TRIM5: variants seen among roughly 807,000 people sequenced by gnomAD.
TRIM5 encodes the protein tripartite motif-containing protein 5.
In TRIM5, 31 loss-of-function variants were observed where a neutral mutation model predicts 35.6. The ratio of observed to expected loss-of-function variants is 0.87; its 90% CI spans 0.65 to 1.18. The LOEUF (loss-of-function observed/expected upper bound fraction) is 1.18. Among genes scored for constraint, TRIM5 ranks in the 50% most tolerant of loss-of-function variants. The pLI is 0.00. For missense variants in TRIM5, 609 were observed against 591.6 expected (o/e 1.03, Z -0.31); for synonymous variants, 243 against 215.6 (o/e 1.13, Z -1.11).
At chr11:5,681,299 C>G (rs4992802) in intron 1 of TRIM5, among the ~76,000 whole-genome samples, 84,181 of 152,026 alleles carry the variant, frequency 0.55, 23,438 homozygotes, top group African/African-American at 0.6. Flanking sequence ...GGGAAAGAAG[C>G]GAATTTTTAT....
chr11:5,658,105 A>G, the TRIM5 span, among the ~76,000 whole-genome samples: 1 of 152,070 alleles, frequency 6.6e-6, no homozygotes, highest in Non-Finnish European at 1.5e-5. Context: ...CAAATGTTGC[A>G]TTTTCCAAGA....
chr11:5,667,320 C>T (rs1213083235), intron 5 of TRIM5, among the ~76,000 whole-genome samples: 2 of 151,522 alleles, frequency 1.3e-5, no homozygotes, highest in Non-Finnish European at 3.0e-5. Context: ...AATTCTCCTG[C>T]CTCAGCCTCC....
chr11:5,665,297 G>A lies in TRIM5; in HGVS notation c.994C>T (p.Arg332Ter), dbSNP rs376400046. 8.7e-6 allele frequency: 14 copies of A among 1,613,930 alleles called. No individual in the cohort carries two copies. The highest frequency in any genetic ancestry group is 6.7e-5 in the African/African-American group (5 of 74,872). The change falls in exon 8 of 8, where the codon CGA (arginine) becomes TGA (stop). Residue 332 changes from arginine (R) to a stop codon, truncating the protein, a stop_gained. Transcript: ENST00000380034. LOFTEE classifies it low-confidence loss of function (END_TRUNC). ...SPKPQIIYGA[R>*]GTRYQTFVNF... The stretch of plus-strand genomic sequence containing the variant: ...ACAAATGTCTGGTATCTTGTCCCTC[G>A]TGCCCCATATATTATCTGTGGTTTC...
intron 5 of TRIM5, among the ~76,000 whole-genome samples, 192 bp downstream of exon 5, chr11:5,667,497 C>T (rs1217306139): frequency 6.6e-6 from 1 of 152,148 alleles, no homozygotes; most frequent in Non-Finnish European, 1.5e-5. Context: ...CCACACCTGG[C>T]CAAATCTGGT....
chr11:5,630,980 C>A, the TRIM5 span, among the ~76,000 whole-genome samples: 92 of 152,316 alleles, frequency 6.0e-4, no homozygotes, highest in East Asian at 0.016. Flanking sequence ...GTGGATTTAA[C>A]ACAGACAGAA....
chr11:5,643,432 A>G, the TRIM5 span: 1 of 1,614,212 alleles, frequency 6.2e-7, no homozygotes, highest in South Asian at 1.1e-5. Context: ...CTATTTGGCT[A>G]CTGGGTTATA....
the TRIM5 span, chr11:5,619,688 A>ATTTTTTTTTTTTTTTTTTTTTTTTTTTT: frequency 3.0e-5 from 2 of 66,010 alleles, no homozygotes; most frequent in Non-Finnish European, 5.4e-5. Context: ...CCTGTTTTAA[A>ATTTTTTTTTTTTTTTTTTTTTTTTTTTT]TTTTTTTTTT....
chr11:5,673,781 AAT>A (rs1851739683), intron 4 of TRIM5, among the ~76,000 whole-genome samples: 1 of 152,192 alleles, frequency 6.6e-6, no homozygotes, highest in Non-Finnish European at 1.5e-5. Context: ...AAAATTCTTC[AAT>A]GCTTTAAAAT....
At chr11:5,603,244 A>G in the TRIM5 span, 16 of 1,612,556 alleles carry the variant, frequency 9.9e-6, no homozygotes, top group Non-Finnish European at 1.4e-5. Flanking sequence ...TCATCTACCT[A>G]GGATTCTACA....
the TRIM5 span, among the ~76,000 whole-genome samples, chr11:5,654,659 A>G: frequency 6.6e-6 from 1 of 152,056 alleles, no homozygotes; most frequent in African/African-American, 2.4e-5. Context: ...ACTTTTGACT[A>G]TTTCTAGTTT....
chr11:5,629,544 A>T, the TRIM5 span, among the ~76,000 whole-genome samples: 2 of 152,090 alleles, frequency 1.3e-5, no homozygotes, highest in East Asian at 3.9e-4. Context: ...TTGTATCATC[A>T]TGCCACTACT....
Position 5,679,778 on chromosome 11 carries a change from C to A in TRIM5, c.400G>T (p.Val134Phe), listed in dbSNP as rs143587466. 2 of 1,596,476 alleles carry A rather than the reference C, an allele frequency of 1.3e-6. No individual in the cohort carries two copies. Among genetic ancestry groups the A allele is most frequent in the Admixed American group, 1.7e-5 (1 of 59,096 alleles). ...TCTCTTACTTGGTACTCCCGGGCAA[C>A]CTCCTCTGTGAGGAACGTGTGGTGA... is the stretch of plus-strand genomic sequence containing the variant. ...RGHHTFLTEE[V>F]AREYQVKLQA... Residue 134 changes from valine to phenylalanine, a missense_variant, in exon 2 of 8, where the codon GTT becomes TTT. Coordinates refer to ENST00000380034, the MANE Select transcript of TRIM5 (RefSeq NM_033034.3).
At chr11:5,590,901 G>C in the TRIM5 span, 1 of 155,586 alleles carries the variant, frequency 6.4e-6, no homozygotes, top group Non-Finnish European at 1.4e-5. Context: ...AAACACATCT[G>C]AACATCAGAA....
the TRIM5 span, chr11:5,632,798 G>T: frequency 6.7e-7 from 1 of 1,483,502 alleles, no homozygotes; most frequent in Middle Eastern, 1.9e-4. Context: ...GATGGTAGTT[G>T]GTGGAAAATC....
At chr11:5,608,357 C>T in the TRIM5 span, 65 of 1,613,170 alleles carry the variant, frequency 4.0e-5, no homozygotes, top group Non-Finnish European at 5.4e-5. Flanking sequence ...CTTAACCTGT[C>T]TTTTTCCTTC....
the TRIM5 span, among the ~76,000 whole-genome samples, chr11:5,633,504 G>A: frequency 6.6e-6 from 1 of 152,160 alleles, no homozygotes; most frequent in Non-Finnish European, 1.5e-5. Flanking sequence ...AAGGAACATT[G>A]TGGATTGAAT....
the TRIM5 span, chr11:5,645,787 T>C: frequency 8.9e-6 from 2 of 223,886 alleles, no homozygotes; most frequent in Non-Finnish European, 1.7e-5. Context: ...TCTGGATACA[T>C]TCCCACCTGT....
At chr11:5,609,738 T>C in the TRIM5 span, among the ~76,000 whole-genome samples, 10 of 152,052 alleles carry the variant, frequency 6.6e-5, no homozygotes, top group Non-Finnish European at 8.8e-5. Context: ...CTGGCTAACA[T>C]GATGAAACCC....
intron 3 of TRIM5, 108 bp from the exon 4 acceptor site, chr11:5,678,542 T>A: frequency 1.2e-6 from 1 of 838,626 alleles, no homozygotes; most frequent in Non-Finnish European, 1.8e-6. Flanking sequence ...GGGGACATAG[T>A]AGCAGGAGAG....
Sources: gnomAD v4.1 joint callset for allele counts (sites outside exome capture counted in the v4.1 genomes callset) on GRCh38, gnomAD v4.1.1 for gene constraint, MANE v1.5 for transcripts, NCBI Gene and HGNC (gene_info 2026-07-23, HGNC 2026-07-21) for gene names.